UST: variants seen among roughly 807,000 people sequenced by gnomAD.
UST encodes uronyl 2-sulfotransferase, also known as chondroitin sulfate 2-O-sulfotransferase.
Under a neutral mutation model 45.6 loss-of-function variants are expected in UST, and 21 were observed. The ratio of observed to expected loss-of-function variants is 0.46; its 90% CI spans 0.33 to 0.66. The LOEUF (loss-of-function observed/expected upper bound fraction) is 0.66, where lower values mean the gene tolerates loss of function less well. UST is among the 30% of genes least tolerant of loss of function. The probability of loss-of-function intolerance (pLI) is 0.02; values close to 1 mark genes in which losing one functional copy is unlikely to be tolerated. For missense variants in UST, 463 were observed against 512.4 expected, an observed-to-expected ratio of 0.90 and a Z score of 0.93; for synonymous variants, 215 against 200.6, an observed-to-expected ratio of 1.07 and a Z score of -0.61.
At chr6:148,888,047 G>A (rs1056083032) in intron 2 of UST, among the ~76,000 whole-genome samples, 8 of 152,140 alleles carry the variant, frequency 5.3e-5, no homozygotes, top group Admixed American at 1.3e-4. Flanking sequence ...AGAAATACCC[G>A]AGACTGGGTA....
rs56988271 is a variant in UST, at chr6:149,015,437, C to T, written c.682-3702C>T. Among the ~76,000 whole-genome samples, 847 of 152,134 alleles carry T rather than the reference C, an allele frequency of 5.6e-3. 36 individuals carry two copies. The highest frequency in any genetic ancestry group is 0.051 in the Admixed American group (777 of 15,268). ...AGCAGCGTGGGGTCTTATGTTAAGA[C>T]CCAATGATAAAAAGGGCTAGACTTG... On this transcript the variant is annotated intron_variant, in intron 5 of 7. Transcript: ENST00000367463.
At chr6:148,820,632 C>A (rs1213551916) in intron 1 of UST, among the ~76,000 whole-genome samples, 1 of 152,024 alleles carries the variant, frequency 6.6e-6, no homozygotes, top group African/African-American at 2.4e-5. Context: ...AGGCGGATCA[C>A]GAGGTCAGGA....
intron 1 of UST, among the ~76,000 whole-genome samples, chr6:148,807,782 A>C (rs1305336168): frequency 1.3e-5 from 2 of 152,204 alleles, no homozygotes; most frequent in African/African-American, 4.8e-5. Flanking sequence ...TGTCTAGTAC[A>C]TCTGAAAGGG....
In UST at chr6:149,058,371, G is replaced by A. The variant is rs1423064874; in HGVS notation, c.938-15462G>A. Among the ~76,000 whole-genome samples, 4 of 149,936 alleles carry A rather than the reference G, an allele frequency of 2.7e-5. No individual in the cohort carries two copies. In the East Asian group the frequency reaches 7.7e-4, roughly 29 times the overall value. ...TGTGTGTGTGTGTGTGTGTGTGTGTGTGTGTGTGTGTGTGTGTATGTGCGC... is the reference window on the plus strand; with the variant it reads ...TGTGTGTGTGTGTGTGTGTGTGTGTATGTGTGTGTGTGTGTGTATGTGCGC... On this transcript the variant is annotated intron_variant, in intron 7 of 7. Coordinates refer to ENST00000367463, the MANE Select transcript of UST (RefSeq NM_005715.3).
intron 3 of UST, among the ~76,000 whole-genome samples, chr6:148,953,596 C>G (rs1316119325): frequency 2.6e-5 from 4 of 152,022 alleles, no homozygotes; most frequent in African/African-American, 9.7e-5. Flanking sequence ...CGGTGAAACC[C>G]TGTCTCTACT....
intron 3 of UST, among the ~76,000 whole-genome samples, chr6:148,947,312 G>A (rs760087696): frequency 2.0e-5 from 3 of 152,160 alleles, no homozygotes. Context: ...AGGCATACAT[G>A]GGTTAATAAA....
chr6:148,829,699 G>A (rs986687871), intron 1 of UST, among the ~76,000 whole-genome samples: 1 of 151,936 alleles, frequency 6.6e-6, no homozygotes, highest in Non-Finnish European at 1.5e-5. Flanking sequence ...GAATGGTTGG[G>A]GGTTCACTTT....
intron 1 of UST, among the ~76,000 whole-genome samples, chr6:148,778,044 G>A (rs1219580183): frequency 6.6e-6 from 1 of 152,132 alleles, no homozygotes; most frequent in East Asian, 1.9e-4. Context: ...ATGATGAAAT[G>A]CCCTAACAAT....
intron 1 of UST, among the ~76,000 whole-genome samples, chr6:148,879,487 C>T (rs1363545330): frequency 6.6e-6 from 1 of 152,198 alleles, no homozygotes; most frequent in East Asian, 1.9e-4. Flanking sequence ...ATGTGAGGAA[C>T]TTTAAAAATA....
chr6:148,918,436 G>T (rs1304030168), intron 2 of UST, among the ~76,000 whole-genome samples: 1 of 152,192 alleles, frequency 6.6e-6, no homozygotes, highest in Admixed American at 6.5e-5. Context: ...ATTCTTCAGT[G>T]ATCTTCAGCA....
intron 5 of UST, among the ~76,000 whole-genome samples, chr6:148,973,290 T>G (rs1780955243): frequency 6.6e-6 from 1 of 152,192 alleles, no homozygotes; most frequent in South Asian, 2.1e-4. Flanking sequence ...AGATCTCACT[T>G]TAGGAAGCCA....
intron 1 of UST, among the ~76,000 whole-genome samples, chr6:148,804,619 T>G (rs1252467949): frequency 1.3e-5 from 2 of 152,206 alleles, no homozygotes; most frequent in Non-Finnish European, 2.9e-5. Flanking sequence ...GAAGTCAAGC[T>G]GGAATTTTAT....
chr6:148,833,507 C>T (rs1777729786), intron 1 of UST, among the ~76,000 whole-genome samples: 2 of 152,184 alleles, frequency 1.3e-5, no homozygotes, highest in South Asian at 2.1e-4. Context: ...AACCAAAAAA[C>T]GAACCCCAAC....
chr6:149,068,176 A>G (rs1164525559), intron 7 of UST, among the ~76,000 whole-genome samples: 4 of 152,160 alleles, frequency 2.6e-5, no homozygotes, highest in Non-Finnish European at 5.9e-5. Flanking sequence ...CTAGGCCTGG[A>G]CATTGACCAT....
chr6:148,917,812 GC>G (rs758974720), intron 2 of UST, among the ~76,000 whole-genome samples: 6 of 152,220 alleles, frequency 3.9e-5, no homozygotes, highest in Non-Finnish European at 8.8e-5. Context: ...GAGGACGGGA[GC>G]TCAGATGGGT....
At chr6:148,974,836 A>G (rs1441754704) in intron 5 of UST, among the ~76,000 whole-genome samples, 1 of 152,206 alleles carries the variant, frequency 6.6e-6, no homozygotes, top group African/African-American at 2.4e-5. Flanking sequence ...ATTCAGCTAA[A>G]AGTTTGCATA....
At chr6:148,766,143 A>C (rs1582797364) in intron 1 of UST, among the ~76,000 whole-genome samples, 2 of 152,082 alleles carry the variant, frequency 1.3e-5, no homozygotes, top group South Asian at 4.1e-4. Flanking sequence ...TTCATACTTC[A>C]TTTGTTTTAT....
At chr6:148,958,003 C>A (rs1475543307) in intron 4 of UST, among the ~76,000 whole-genome samples, 1 of 152,222 alleles carries the variant, frequency 6.6e-6, no homozygotes, top group Non-Finnish European at 1.5e-5. Flanking sequence ...TCCCTCCCCA[C>A]ACTTTTTTTG....
chr6:148,918,827 T>A (rs959419356), intron 2 of UST, among the ~76,000 whole-genome samples: 1 of 152,214 alleles, frequency 6.6e-6, no homozygotes, highest in Non-Finnish European at 1.5e-5. Flanking sequence ...TGTTAAACTT[T>A]TTTTAGTTCT....
Sources: gnomAD v4.1 joint callset for allele counts (sites outside exome capture counted in the v4.1 genomes callset) on GRCh38, gnomAD v4.1.1 for gene constraint, MANE v1.5 for transcripts, NCBI Gene and HGNC (gene_info 2026-07-23, HGNC 2026-07-21) for gene names.